Variants in SACS observed in about 807,000 individuals in gnomAD.
SACS encodes the protein sacsin molecular chaperone, also known as sacsin.
Under a neutral mutation model 348.0 loss-of-function variants are expected in SACS, and 197 were observed. That is an observed-to-expected ratio of 0.57 (90% CI 0.50 to 0.64). SACS has a LOEUF of 0.64. Ranked by LOEUF, SACS falls within the 30% of genes least tolerant of loss-of-function variation. SACS has a pLI of 0.00. For missense variants in SACS, 4,999 were observed against 5,360.8 expected, an observed-to-expected ratio of 0.93 and a Z score of 2.11; for synonymous variants, 1,985 against 1,910.6, an observed-to-expected ratio of 1.04 and a Z score of -1.02.
chr13:23,341,039 C>A lies in SACS; in HGVS notation c.2837G>T (p.Gly946Val), dbSNP rs1869161083. The A allele has an allele frequency of 1.2e-6, 2 of 1,614,044 alleles. No homozygotes were observed. Among genetic ancestry groups the A allele is most frequent in the Non-Finnish European group, 1.7e-6 (2 of 1,179,970 alleles). ...QGISSYTKLK[G>V]CKVLHHTAKL... ...GGCAGTATGGTGTAAGACTTTACAA[C>A]CTTTCAATTTTGTATAAGAGGAAAT... Residue 946 changes from glycine to valine, a missense_variant, in exon 10 of 10, where the codon GGT becomes GTT. Transcript: ENST00000382292.
intron 9 of SACS, among the ~76,000 whole-genome samples, chr13:23,341,959 T>C (rs1273719593): frequency 6.6e-6 from 1 of 151,886 alleles, no homozygotes; most frequent in African/African-American, 2.4e-5. Context: ...GTTAATTTTT[T>C]TGTGTTTTTA....
chr13:23,411,240 G>C lies in SACS; in HGVS notation c.-1C>G, dbSNP rs772772481. Reference sequence around the variant, plus strand: ...TTTACCTGTTCTCCTTGGTCTCCATGATCACTTCTCCTGGGATATTTGTTT... The same window carrying C: ...TTTACCTGTTCTCCTTGGTCTCCATCATCACTTCTCCTGGGATATTTGTTT... On this transcript the variant is annotated 5_prime_UTR_variant, in exon 2 of 10. In the 5' UTR this introduces an upstream ATG that the reference lacks. Coordinates refer to ENST00000382292, the MANE Select transcript of SACS (RefSeq NM_014363.6). 2.5e-5 allele frequency: 40 copies of C among 1,606,886 alleles called. No individual in the cohort carries two copies. In the African/African-American group the frequency reaches 3.3e-4, roughly 13 times the overall value.
In SACS at chr13:23,355,460, AG is replaced by A. The variant is rs1870304642; in HGVS notation, c.1151del (p.Thr384IlefsTer27). On this transcript the variant is annotated frameshift_variant, in exon 8 of 10. Coordinates refer to ENST00000382292, the MANE Select transcript of SACS (RefSeq NM_014363.6). LOFTEE classifies it high-confidence loss of function. ...ACCAAGATGTTTTCTGTGCATCCTTAGTACTCTCCTCTTCTAAAACAATATT... is the reference window on the plus strand; with the variant it reads ...ACCAAGATGTTTTCTGTGCATCCTTATACTCTCCTCTTCTAAAACAATATT... The part of the protein sequence containing the change: ...HVNIVLEEES[T>X]KDAQKTSWLV... 6.2e-7 allele frequency: 1 copy of A among 1,614,108 alleles called. No individual in the cohort carries two copies. The highest frequency in any genetic ancestry group is 1.3e-5 in the African/African-American group (1 of 75,044).
At chr13:23,369,548 CTT>C (rs775893158) in intron 4 of SACS, among the ~76,000 whole-genome samples, 1 of 143,976 alleles carries the variant, frequency 6.9e-6, no homozygotes, top group Admixed American at 7.0e-5. Context: ...CCCACCCATT[CTT>C]TTTTTTTTTT....
At chr13:23,388,437 T>C (rs966657212) in intron 2 of SACS, among the ~76,000 whole-genome samples, 3 of 146,100 alleles carry the variant, frequency 2.1e-5, no homozygotes, top group Non-Finnish European at 4.5e-5. Flanking sequence ...TATATATATA[T>C]GGTACATATA....
Position 23,338,763 on chromosome 13 carries a change from G to C in SACS, c.5113C>G (p.Pro1705Ala). 1 of 1,610,852 alleles carries C rather than the reference G, an allele frequency of 6.2e-7. No individual in the cohort carries two copies. Among genetic ancestry groups the C allele is most frequent in the South Asian group, 1.1e-5 (1 of 90,328 alleles). Residue 1705 changes from proline to alanine, a missense_variant, in exon 10 of 10, where the codon CCC (proline) becomes GCC (alanine). By Grantham distance (27) the Pro-to-Ala change is conservative. Coordinates refer to ENST00000382292, the MANE Select transcript of SACS (RefSeq NM_014363.6). ...ATTACTGTATCTTGTGCTAAACTGG[G>C]GTTGGTTTCCTCAATTTTCAAGTAC... ...LKYLKIEETN[P>A]SLAQDTVIIK... is the part of the protein sequence containing the mutation.
chr13:23,331,354 A>G lies in SACS; in HGVS notation c.12522T>C (p.Asn4174=), dbSNP rs1432077650. The G allele has an allele frequency of 3.7e-6, 6 of 1,614,058 alleles. No individual in the cohort carries two copies. In the Admixed American group the frequency reaches 1.0e-4, roughly 27 times the overall value. The part of the protein sequence containing the change: ...IHYTLLMDPM[N]VFYPGEYVGY... The stretch of plus-strand genomic sequence containing the variant: ...CAACATATTCTCCCGGGTAAAAAAC[A>G]TTCATTGGGTCCATAAGCAGAGTGT... Residue 4174 remains asparagine, a synonymous_variant, in exon 10 of 10, where the codon AAT becomes AAC. Coordinates refer to ENST00000382292, the MANE Select transcript of SACS (RefSeq NM_014363.6).
At chr13:23,432,076 C>T (rs1874453267) in intron 1 of SACS, among the ~76,000 whole-genome samples, 1 of 152,162 alleles carries the variant, frequency 6.6e-6, no homozygotes, top group Non-Finnish European at 1.5e-5. Flanking sequence ...AACTGAGGCT[C>T]ACAGAAGTTA....
chr13:23,420,139 G>C (rs1441271289), intron 1 of SACS, among the ~76,000 whole-genome samples: 1 of 151,916 alleles, frequency 6.6e-6, no homozygotes, highest in South Asian at 2.1e-4. Context: ...TCCACGTTGG[G>C]CCTGTGTGTC....
intron 1 of SACS, among the ~76,000 whole-genome samples, chr13:23,417,074 T>C (rs940494841): frequency 3.3e-5 from 5 of 152,152 alleles, no homozygotes; most frequent in Non-Finnish European, 7.3e-5. Flanking sequence ...GAGAAAAGTA[T>C]GTGTTAATGA....
Position 23,336,577 on chromosome 13 carries a change from C to T in SACS, c.7299G>A (p.Trp2433Ter). 6.2e-7 allele frequency: 1 copy of T among 1,613,690 alleles called. No individual in the cohort carries two copies. Residue 2433 changes from tryptophan (W) to a stop codon, truncating the protein, a stop_gained, in exon 10 of 10, where the codon TGG becomes TGA. Coordinates refer to ENST00000382292, the MANE Select transcript of SACS (RefSeq NM_014363.6). LOFTEE classifies it high-confidence loss of function. ...LCRRIISEGIWSLIREKKQEF... is the reference protein window; with the variant it reads ...LCRRIISEGI ...CTTGTTTCTTTTCTCTAATGAGACT[C>T]CATATTCCTTCACTGATTATTCGTC...
In SACS at chr13:23,337,786, A is replaced by C. The variant is rs1345437570; in HGVS notation, c.6090T>G (p.Pro2030=). Residue 2030 remains proline (P), a synonymous_variant, in exon 10 of 10, where the codon CCT becomes CCG. Transcript: ENST00000382292. ...GSKNLCAVEL[P]SSVKLGFEEA... is the part of the protein sequence containing the mutation. Reference sequence around the variant, plus strand: ...CTTCAAATCCTAATTTTACCGAAGAAGGAAGTTCAACAGCACAAAGGTTTT... The same window carrying C: ...CTTCAAATCCTAATTTTACCGAAGACGGAAGTTCAACAGCACAAAGGTTTT... 1 of 1,613,870 alleles carries C rather than the reference A, an allele frequency of 6.2e-7. No homozygotes were observed. Among genetic ancestry groups the C allele is most frequent in the Non-Finnish European group, 8.5e-7 (1 of 1,179,952 alleles).
rs1434968479 is a variant in SACS at position 23,334,011 on chromosome 13, A to C, written c.9865T>G (p.Ser3289Ala). ...TCAGGAACCACAAGCTGGTTGGCTGAAACAGTAAACTTTGTTCCTGGAAGC... is the reference window on the plus strand; with the variant it reads ...TCAGGAACCACAAGCTGGTTGGCTGCAACAGTAAACTTTGTTCCTGGAAGC... Reference protein sequence around the residue: ...ALLPGTKFTVSANQLVVPEGD... With the variant: ...ALLPGTKFTVAANQLVVPEGD... Residue 3289 changes from serine to alanine, a missense_variant, in exon 10 of 10, where the codon TCA (serine) becomes GCA (alanine). Ser to Ala is a moderately conservative substitution (Grantham distance 99). Transcript: ENST00000382292. The C allele has an allele frequency of 6.2e-7, 1 of 1,613,796 alleles. No individual in the cohort carries two copies. The highest frequency in any genetic ancestry group is 8.5e-7 in the Non-Finnish European group (1 of 1,179,858).
chr13:23,428,962 A>G (rs1002868242), intron 1 of SACS: 3 of 152,178 alleles, frequency 2.0e-5, no homozygotes, highest in Non-Finnish European at 2.9e-5. Context: ...TGGCAGAGCT[A>G]ATTGTGGAGG....
At chr13:23,352,151 A>G (rs1869997138) in intron 9 of SACS, among the ~76,000 whole-genome samples, 1 of 152,202 alleles carries the variant, frequency 6.6e-6, no homozygotes, top group Admixed American at 6.5e-5. Context: ...TTGGCCCTGA[A>G]TAACTTTTGG....
Position 23,355,104 on chromosome 13 carries a change from T to C in SACS, c.1508A>G (p.Lys503Arg). ...ATCTAAGATCAGAGTAGCATAAGCT[T>C]TGGGGACAACATTCATGACAAGAAA... ...NEFLVMNVVP[K>R]AYATLILDSI... The change falls in exon 8 of 10, where the codon AAA (lysine) becomes AGA (arginine). Residue 503 changes from lysine to arginine, a missense_variant. Transcript: ENST00000382292. 1 of 1,614,140 alleles carries C rather than the reference T, an allele frequency of 6.2e-7. No homozygotes were observed.
At chr13:23,364,942 T>C (rs1034827300) in intron 6 of SACS, among the ~76,000 whole-genome samples, 2 of 152,246 alleles carry the variant, frequency 1.3e-5, no homozygotes, top group African/African-American at 4.8e-5. Context: ...GGTCATTACA[T>C]TGCTTGTCAT....
chr13:23,332,900 G>A lies in SACS; in HGVS notation c.10976C>T (p.Ala3659Val). ...ATGAAATCTAATGAATTCCGCGGGG[G>A]CCCGCTCAGGACATAAGAATGGTAT... The part of the protein sequence containing the change: ...SLIPFLCPER[A>V]PAEFIRFHPQ... The change falls in exon 10 of 10, where the codon GCC becomes GTC. Residue 3659 changes from alanine (A) to valine (V), a missense_variant. Physicochemically the swap from Ala to Val is moderately conservative, Grantham distance 64. Coordinates refer to ENST00000382292, the MANE Select transcript of SACS (RefSeq NM_014363.6). 6.2e-7 allele frequency: 1 copy of A among 1,613,828 alleles called. No individual in the cohort carries two copies. The highest frequency in any genetic ancestry group is 2.2e-5 in the East Asian group (1 of 44,880).
intron 4 of SACS, among the ~76,000 whole-genome samples, chr13:23,370,778 C>T (rs952925828): frequency 2.6e-5 from 4 of 152,192 alleles, no homozygotes; most frequent in Non-Finnish European, 5.9e-5. Flanking sequence ...GCCTGGCCAA[C>T]ATGGTAAAAC....
Sources: gnomAD v4.1 joint callset for allele counts (sites outside exome capture counted in the v4.1 genomes callset) on GRCh38, gnomAD v4.1.1 for gene constraint, MANE v1.5 for transcripts, NCBI Gene and HGNC (gene_info 2026-07-23, HGNC 2026-07-21) for gene names.